Variants in ENPP3 observed in about 807,000 individuals in gnomAD.
The protein encoded by ENPP3 is ectonucleotide pyrophosphatase/phosphodiesterase 3.
ENPP3 carries 104 observed loss-of-function variants against 117.8 expected under a neutral mutation model. That is an observed-to-expected ratio of 0.88 (90% CI 0.75 to 1.04). The LOEUF is 1.04. ENPP3 is among the 50% of genes least tolerant of loss of function. The probability of loss-of-function intolerance (pLI) is 0.00; values close to 1 mark genes in which losing one functional copy is unlikely to be tolerated. For synonymous variants in ENPP3, 380 were observed against 349.9 expected, an observed-to-expected ratio of 1.09 and a Z score of -0.96; for missense variants, 1,026 against 1,051.9, an observed-to-expected ratio of 0.98 and a Z score of 0.34.
At chr6:131,637,668 A>G (rs1777954410) in intron 1 of ENPP3, among the ~76,000 whole-genome samples, 4 of 152,236 alleles carry the variant, frequency 2.6e-5, no homozygotes. Context: ...CAACAAGTTA[A>G]CATTACGTTA....
intron 17 of ENPP3, among the ~76,000 whole-genome samples, chr6:131,721,668 A>G (rs1194158134): frequency 1.3e-5 from 2 of 151,846 alleles, no homozygotes; most frequent in African/African-American, 2.4e-5. Flanking sequence ...AGCAAAATTC[A>G]CTAGTTCCAT....
chr6:131,709,543 T>G (rs1779728882), intron 15 of ENPP3: 3 of 1,613,992 alleles, frequency 1.9e-6, no homozygotes, highest in Middle Eastern at 3.3e-4. Context: ...CAACTCTCTT[T>G]CAGTTAATTT....
intron 1 of ENPP3, among the ~76,000 whole-genome samples, chr6:131,639,288 T>TC (rs1370329242): frequency 1.4e-4 from 15 of 108,302 alleles, no homozygotes; most frequent in African/African-American, 2.7e-4. Context: ...TCTCTCTCTC[T>TC]TTTTTTTGGA....
intron 14 of ENPP3, among the ~76,000 whole-genome samples, chr6:131,686,821 T>C (rs1419181399): frequency 2.6e-5 from 4 of 152,246 alleles, no homozygotes; most frequent in African/African-American, 9.6e-5. Context: ...GCTCCATTCA[T>C]GGTGCTGCAA....
At chr6:131,670,466 T>C (rs746139008) in intron 6 of ENPP3, among the ~76,000 whole-genome samples, 1 of 151,670 alleles carries the variant, frequency 6.6e-6, no homozygotes, top group Non-Finnish European at 1.5e-5. Flanking sequence ...TGAGAATTGT[T>C]TTACTTATTT....
chr6:131,718,595 A>T, intron 15 of ENPP3, 77 bp from the exon 16 acceptor site: 1 of 653,812 alleles, frequency 1.5e-6, no homozygotes, highest in Non-Finnish European at 2.5e-6. Flanking sequence ...CAGAAACTAT[A>T]TAAAATTAGT....
At chr6:131,660,516 G>A (rs1384350147) in intron 6 of ENPP3, among the ~76,000 whole-genome samples, 1 of 152,198 alleles carries the variant, frequency 6.6e-6, no homozygotes, top group Non-Finnish European at 1.5e-5. Context: ...TGGGATAGAG[G>A]TGATTTGGCC....
chr6:131,639,290 T>C (rs1777994617), intron 1 of ENPP3, among the ~76,000 whole-genome samples: 1 of 145,346 alleles, frequency 6.9e-6, no homozygotes, highest in South Asian at 2.2e-4. Flanking sequence ...TCTCTCTCTT[T>C]TTTTTGGAGA....
chr6:131,655,778 T>G (rs927478642), intron 5 of ENPP3, among the ~76,000 whole-genome samples: 2 of 152,040 alleles, frequency 1.3e-5, no homozygotes, highest in Non-Finnish European at 2.9e-5. Context: ...CCCAGAGAAA[T>G]TACAGGACTG....
intron 6 of ENPP3, among the ~76,000 whole-genome samples, chr6:131,663,643 A>G (rs1778552824): frequency 6.6e-6 from 1 of 151,536 alleles, no homozygotes; most frequent in Admixed American, 6.6e-5. Context: ...GCAGTAAGCT[A>G]TGATCACACC....
chr6:131,722,854 G>T (rs368177733), intron 18 of ENPP3, among the ~76,000 whole-genome samples: 15 of 152,300 alleles, frequency 9.8e-5, no homozygotes, highest in African/African-American at 3.1e-4. Context: ...CCTTTGGGTA[G>T]CAGGGAAGAA....
At chr6:131,651,868 G>A (rs1336069662) in intron 3 of ENPP3, among the ~76,000 whole-genome samples, 1 of 152,166 alleles carries the variant, frequency 6.6e-6, no homozygotes, top group African/African-American at 2.4e-5. Context: ...TAACTGAAGT[G>A]GACAAAAGTT....
intron 15 of ENPP3, among the ~76,000 whole-genome samples, chr6:131,696,480 T>C (rs1779407720): frequency 6.6e-6 from 1 of 152,130 alleles, no homozygotes; most frequent in South Asian, 2.1e-4. Context: ...TTGGAAGACT[T>C]ATGATGGGAT....
At chr6:131,733,791 T>C (rs1286302515) in intron 21 of ENPP3, 68 bp downstream of exon 21, 1 of 1,525,750 alleles carries the variant, frequency 6.6e-7, no homozygotes, top group East Asian at 2.3e-5. Context: ...GGCATGTGCC[T>C]TAAACATATA....
chr6:131,702,015 G>A (rs557658950), intron 15 of ENPP3, among the ~76,000 whole-genome samples: 1 of 151,672 alleles, frequency 6.6e-6, no homozygotes, highest in South Asian at 2.1e-4. Context: ...ATATCCTTTT[G>A]GTCTTTTTTT....
intron 2 of ENPP3, among the ~76,000 whole-genome samples, chr6:131,647,021 G>A (rs1053900145): frequency 5.0e-5 from 7 of 141,100 alleles, no homozygotes; most frequent in African/African-American, 1.3e-4. Context: ...CTAAAGGCAC[G>A]TGCCACTGCA....
chr6:131,715,699 C>T (rs1340025857), intron 15 of ENPP3, among the ~76,000 whole-genome samples: 3 of 152,158 alleles, frequency 2.0e-5, no homozygotes, highest in Non-Finnish European at 2.9e-5. Context: ...GATTAGGCTT[C>T]CTCTGGCACC....
intron 11 of ENPP3, among the ~76,000 whole-genome samples, chr6:131,679,973 A>G (rs376242762): frequency 1.3e-5 from 2 of 152,206 alleles, no homozygotes; most frequent in East Asian, 3.9e-4. Context: ...GGAGTCAGGC[A>G]CCAATCCTGC....
chr6:131,683,744 T>C (rs924043113), intron 12 of ENPP3, among the ~76,000 whole-genome samples: 12 of 147,088 alleles, frequency 8.2e-5, no homozygotes, highest in African/African-American at 3.1e-4. Flanking sequence ...GCACTCACTC[T>C]ACAGGTTTTT....
Sources: allele counts gnomAD v4.1 joint callset (sites outside exome capture counted in the v4.1 genomes callset), GRCh38; gene constraint gnomAD v4.1.1; transcripts MANE v1.5; gene names NCBI Gene and HGNC (gene_info 2026-07-23, HGNC 2026-07-21).